The following RAD50 variants were observed in gnomAD, a reference collection of about 807,000 sequenced individuals.
RAD50 encodes the protein DNA repair protein RAD50.
Under a neutral mutation model 168.8 loss-of-function variants are expected in RAD50, and 132 were observed. The observed-to-expected ratio is 0.78, with a 90% CI of 0.68 to 0.90. RAD50 has a LOEUF of 0.90. RAD50 is among the 40% of genes least tolerant of loss of function. The probability of loss-of-function intolerance (pLI) is 0.00; values close to 1 mark genes in which losing one functional copy is unlikely to be tolerated. For synonymous variants in RAD50, 525 were observed against 497.4 expected, an observed-to-expected ratio of 1.06 and a Z score of -0.74; for missense variants, 1,347 against 1,534.4, an observed-to-expected ratio of 0.88 and a Z score of 2.04.
intron 21 of RAD50, among the ~76,000 whole-genome samples, chr5:132,631,389 G>A (rs1751462802): frequency 2.0e-5 from 3 of 152,050 alleles, no homozygotes; most frequent in African/African-American, 2.4e-5. Context: ...CAAAGTGCTG[G>A]GATTACAGGC....
intron 2 of RAD50, among the ~76,000 whole-genome samples, chr5:132,563,773 T>C (rs544950986): frequency 1.3e-5 from 2 of 152,314 alleles, no homozygotes; most frequent in South Asian, 4.1e-4. Flanking sequence ...TCATGTCAAA[T>C]TGTAACCCCC....
rs532439085 is a variant in RAD50, at chr5:132,639,351, C to T, written c.3618+1128C>T. Reference sequence around the variant, plus strand: ...CCAGGCAACAAGAGCGAAACTCCGTCTCAAAAAAAAAAAAAAAAAAGAACA... The same window carrying T: ...CCAGGCAACAAGAGCGAAACTCCGTTTCAAAAAAAAAAAAAAAAAAGAACA... On this transcript the variant is annotated intron_variant, in intron 23 of 24. Transcript: ENST00000378823. 1.4e-4 allele frequency among the ~76,000 whole-genome samples: 14 copies of T among 100,336 alleles called. No individual in the cohort carries two copies. In the East Asian group the frequency reaches 2.8e-3, roughly 20 times the overall value. 65.8% of individuals were successfully genotyped at this position (100,336 alleles called of 152,430 possible). A position where few individuals can be genotyped will look rare whatever the true frequency, so the allele number is the denominator to read the frequency against.
At chr5:132,627,222 T>A (rs1256273350) in intron 21 of RAD50, among the ~76,000 whole-genome samples, 1 of 152,156 alleles carries the variant, frequency 6.6e-6, no homozygotes, top group Non-Finnish European at 1.5e-5. Flanking sequence ...TAACTGTTAC[T>A]TATACTTCCT....
chr5:132,596,966 T>C (rs1242917524), intron 13 of RAD50, among the ~76,000 whole-genome samples: 4 of 152,162 alleles, frequency 2.6e-5, no homozygotes, highest in Non-Finnish European at 4.4e-5. Flanking sequence ...AGAAATGTTA[T>C]CTGGAGTTTG....
chr5:132,635,907 T>C (rs936329224), intron 21 of RAD50, among the ~76,000 whole-genome samples: 23 of 152,202 alleles, frequency 1.5e-4, no homozygotes, highest in Admixed American at 1.4e-3. Flanking sequence ...TGGAGACTTG[T>C]TGCATTCTCA....
intron 21 of RAD50, among the ~76,000 whole-genome samples, chr5:132,628,199 G>A (rs1751401050): frequency 6.6e-6 from 1 of 152,190 alleles, no homozygotes; most frequent in Non-Finnish European, 1.5e-5. Flanking sequence ...CAAGTGAAAG[G>A]TGTACACTGG....
chr5:132,622,884 C>T (rs994913806), intron 21 of RAD50, among the ~76,000 whole-genome samples: 1 of 152,126 alleles, frequency 6.6e-6, no homozygotes, highest in African/African-American at 2.4e-5. Flanking sequence ...CTAAGAGCTC[C>T]AGAGAAAACA....
At chr5:132,610,237 A>G (rs572986911) in intron 19 of RAD50, among the ~76,000 whole-genome samples, 3 of 152,258 alleles carry the variant, frequency 2.0e-5, no homozygotes, top group Admixed American at 6.5e-5. Flanking sequence ...CTGTGTGACA[A>G]TGAACATCTT....
In RAD50 at chr5:132,638,062, ATTC is replaced by A. The variant is rs730881922; in HGVS notation, c.3476-12_3476-10del. ...TACAGAGCATAGGTTCCTCTAAAAT[ATTC>A]TTCTTCCTGTGTCAGATATTGAATA... On this transcript the variant is annotated splice_polypyrimidine_tract_variant and intron_variant, in intron 22 of 24. Transcript: ENST00000378823. 1.2e-3 allele frequency: 1,867 copies of A among 1,613,046 alleles called. 12 individuals are homozygous for A. In the African/African-American group the frequency reaches 0.015, roughly 13 times the overall value.
chr5:132,592,845 T>A (rs1197454962), intron 11 of RAD50: 1 of 471,118 alleles, frequency 2.1e-6, no homozygotes, highest in Non-Finnish European at 4.4e-6. Context: ...TCCCACTTAT[T>A]GAGGAAGTTC....
At chr5:132,602,154 A>T (rs973777624) in intron 13 of RAD50, among the ~76,000 whole-genome samples, 4 of 152,174 alleles carry the variant, frequency 2.6e-5, no homozygotes, top group Non-Finnish European at 2.9e-5. Flanking sequence ...AAAAAATTTT[A>T]AAAAACTATA....
chr5:132,633,975 G>T (rs193005701), intron 21 of RAD50, among the ~76,000 whole-genome samples: 1 of 151,886 alleles, frequency 6.6e-6, no homozygotes. Flanking sequence ...ATAAACTAAC[G>T]TTCTATATGC....
At position 132,640,552 on chromosome 5, in the gene RAD50, T is replaced by C. The variant is rs1338154201; in HGVS notation, c.3619-120T>C. ...CTCTCCCAGAGGGCAGTGCTTTACC[T>C]AACAGTGAACCTGTGACGTTTCCCA... On this transcript the variant is annotated intron_variant, in intron 23 of 24. Coordinates refer to ENST00000378823, the MANE Select transcript of RAD50 (RefSeq NM_005732.4). 8 of 1,398,026 alleles carry C rather than the reference T, an allele frequency of 5.7e-6. No homozygotes were observed. In the African/African-American group the frequency reaches 1.1e-4, roughly 20 times the overall value. 86.6% of individuals were successfully genotyped at this position (1,398,026 alleles called of 1,614,324 possible).
At chr5:132,558,208 T>A (rs1262572883) in intron 1 of RAD50, among the ~76,000 whole-genome samples, 1 of 152,200 alleles carries the variant, frequency 6.6e-6, no homozygotes, top group Non-Finnish European at 1.5e-5. Context: ...TTTACTTTTG[T>A]TTTTGTAAAA....
At position 132,638,091 on chromosome 5, in the gene RAD50, CA is replaced by C; in HGVS notation, c.3487del (p.Ile1163Ter). On this transcript the variant is annotated frameshift_variant, in exon 23 of 25. Coordinates refer to ENST00000378823, the MANE Select transcript of RAD50 (RefSeq NM_005732.4). LOFTEE classifies it high-confidence loss of function. ...STYRGQDIEY[I>X]EIRSDADENV... ...TTCTTCCTGTGTCAGATATTGAATA[CA>C]TAGAAATACGGTCTGATGCCGATGA... 6.2e-7 allele frequency: 1 copy of C among 1,614,048 alleles called. No homozygotes were observed. Among genetic ancestry groups the C allele is most frequent in the African/African-American group, 1.3e-5 (1 of 75,048 alleles).
In RAD50 at chr5:132,609,304, AAAGT is replaced by A. The variant is rs1233959733; in HGVS notation, c.2947_2950del (p.Val983Ter). On this transcript the variant is annotated frameshift_variant, in exon 19 of 25. Transcript: ENST00000378823. LOFTEE classifies it high-confidence loss of function. Reference sequence around the variant, plus strand: ...GTAGCAAAAAGAAACTGAACTTAATAAAGTAATAGCTCAACTAAGTGAATGCGAG... The same window carrying A: ...GTAGCAAAAAGAAACTGAACTTAATAAATAGCTCAACTAAGTGAATGCGAG... The A allele has an allele frequency of 1.2e-6, 2 of 1,612,706 alleles. No homozygotes were observed. The highest frequency in any genetic ancestry group is 2.2e-5 in the East Asian group (1 of 44,786).
chr5:132,643,372 A>G lies in RAD50; in HGVS notation c.*1008A>G, dbSNP rs1426420821. 1 of 246,440 alleles carries G rather than the reference A, an allele frequency of 4.1e-6. No individual in the cohort carries two copies. The highest frequency in any genetic ancestry group is 5.5e-5 in the East Asian group (1 of 18,154). 15.3% of individuals were successfully genotyped at this position (246,440 alleles called of 1,614,324 possible). The stretch of plus-strand genomic sequence containing the variant: ...GACATCTTGAATCCTTCCATTCCAC[A>G]CAGAATGCAACCAAGTCACACGCTT... On this transcript the variant is annotated 3_prime_UTR_variant, in exon 25 of 25. Transcript: ENST00000378823.
intron 13 of RAD50, among the ~76,000 whole-genome samples, chr5:132,596,157 C>A (rs1750789046): frequency 6.6e-6 from 1 of 152,080 alleles, no homozygotes; most frequent in Non-Finnish European, 1.5e-5. Context: ...CCACGCCCAG[C>A]TAATTTTTGT....
Position 132,608,687 on chromosome 5 carries a change from A to C in RAD50, c.2791A>C (p.Asn931His), listed in dbSNP as rs587781882. Residue 931 changes from asparagine to histidine, a missense_variant, in exon 17 of 25, where the codon AAC becomes CAC. Physicochemically the swap from Asn to His is moderately conservative, Grantham distance 68 (BLOSUM62 1). Transcript: ENST00000378823. ...KFQQEKEELI[N>H]KKNTSNKIAQ... ...CCAGCAAGAAAAAGAAGAATTAATC[A>C]ACAAAAAAAATACAAGCAACAAAAT... The C allele has an allele frequency of 2.5e-6, 4 of 1,595,918 alleles. No homozygotes were observed. Among genetic ancestry groups the C allele is most frequent in the South Asian group, 1.1e-5 (1 of 87,960 alleles).
Sources: gnomAD v4.1 joint callset for allele counts (sites outside exome capture counted in the v4.1 genomes callset) on GRCh38, gnomAD v4.1.1 for gene constraint, MANE v1.5 for transcripts, NCBI Gene and HGNC (gene_info 2026-07-23, HGNC 2026-07-21) for gene names.